The following HMCN1 variants were observed in gnomAD, a reference collection of about 807,000 sequenced individuals.
The protein encoded by HMCN1 is hemicentin 1, also known as hemicentin-1.
Under a neutral mutation model 625.9 loss-of-function variants are expected in HMCN1, and 321 were observed. The ratio of observed to expected loss-of-function variants is 0.51; its 90% CI spans 0.47 to 0.56. The LOEUF is 0.56. Among genes scored for constraint, HMCN1 ranks in the 20% least tolerant of loss-of-function variants. The probability of loss-of-function intolerance (pLI) is 0.00; values close to 1 mark genes in which losing one functional copy is unlikely to be tolerated. For synonymous variants in HMCN1, 2,425 were observed against 2,417.6 expected (o/e 1.00, Z -0.09); for missense variants, 6,588 against 6,887.3 (o/e 0.96, Z 1.54).
At chr1:185,784,577 T>G (rs1355359872) in intron 1 of HMCN1, among the ~76,000 whole-genome samples, 1 of 152,152 alleles carries the variant, frequency 6.6e-6, no homozygotes, top group African/African-American at 2.4e-5. Flanking sequence ...CTTTTTCATC[T>G]TAGCTTTCTT....
At chr1:185,984,337 T>C in intron 19 of HMCN1, 24 bp downstream of exon 19, 1 of 1,612,880 alleles carries the variant, frequency 6.2e-7, no homozygotes, top group Non-Finnish European at 8.5e-7. Context: ...CCAATGTTAT[T>C]GTTTCGAAAC....
intron 89 of HMCN1, among the ~76,000 whole-genome samples, chr1:186,140,268 TACTTATTTGTTGTGTCCC>T (rs376823465): frequency 3.0e-3 from 462 of 152,318 alleles, no homozygotes; most frequent in Non-Finnish European, 4.4e-3. Context: ...ATCACACTTG[TACTTATTTGTTGTGTCCC>T]TTTGGTCTCT....
In HMCN1 at chr1:185,830,711, A is replaced by T. The variant is rs139923765; in HGVS notation, c.269-15315A>T. Among the ~76,000 whole-genome samples the T allele has an allele frequency of 3.8e-3, 574 of 152,054 alleles. 5 individuals are homozygous for T. The highest frequency in any genetic ancestry group is 0.013 in the African/African-American group (544 of 41,462). ...AGACCACACTGGGTCACATGGCAAG[A>T]CCCTGTCTCTACAAAAAAATACAAA... On this transcript the variant is annotated intron_variant, in intron 1 of 106. Transcript: ENST00000271588.
chr1:186,167,659 C>G (rs189992485), intron 100 of HMCN1, among the ~76,000 whole-genome samples: 1 of 152,182 alleles, frequency 6.6e-6, no homozygotes, highest in Non-Finnish European at 1.5e-5. Flanking sequence ...TTTCCTCCAA[C>G]CTCTGGCAAA....
intron 4 of HMCN1, among the ~76,000 whole-genome samples, chr1:185,891,294 G>A (rs1422887370): frequency 1.4e-5 from 2 of 141,200 alleles, no homozygotes; most frequent in Admixed American, 6.8e-5. Context: ...TTTAATTGGA[G>A]CATTTAGTCC....
At position 186,125,627 on chromosome 1, in the gene HMCN1, G is replaced by C. The variant is rs373997825; in HGVS notation, c.12523G>C (p.Glu4175Gln). The C allele has an allele frequency of 6.2e-7, 1 of 1,613,112 alleles. No individual in the cohort carries two copies. The highest frequency in any genetic ancestry group is 1.3e-5 in the African/African-American group (1 of 74,844). ...VHVPPRIRST[E>Q]GHYTVNENSQ... The stretch of plus-strand genomic sequence containing the variant: ...AGTACCACCCAGGATCAGAAGTACA[G>C]AAGGACACTACACGGTCAATGAGAA... Residue 4175 changes from glutamate (E) to glutamine (Q), a missense_variant, in exon 82 of 107, where the codon GAA (glutamate) becomes CAA (glutamine). This residue lies in a region of HMCN1 where 1,954 missense variants were observed against 2,013.1 expected (regional missense o/e 0.97). Transcript: ENST00000271588.
chr1:186,152,992 TATAA>T (rs1650771623), intron 96 of HMCN1, 121 bp downstream of exon 96: 1 of 1,264,406 alleles, frequency 7.9e-7, no homozygotes, highest in African/African-American at 1.5e-5. Flanking sequence ...CTACCAAGGC[TATAA>T]ATAACTATCT....
intron 14 of HMCN1, among the ~76,000 whole-genome samples, chr1:185,969,440 C>T (rs1031986002): frequency 2.6e-5 from 4 of 152,074 alleles, no homozygotes; most frequent in Non-Finnish European, 2.9e-5. Flanking sequence ...TTTGTTGCCC[C>T]GAGTCTGTTG....
intron 58 of HMCN1, 124 bp from the exon 59 acceptor site, chr1:186,087,093 G>A (rs1659543645): frequency 2.8e-6 from 2 of 706,676 alleles, no homozygotes; most frequent in Non-Finnish European, 5.2e-6. Flanking sequence ...ATTTTAAATA[G>A]GAAGGCTTCT....
intron 4 of HMCN1, among the ~76,000 whole-genome samples, chr1:185,875,859 C>T (rs1663893735): frequency 1.3e-5 from 2 of 151,994 alleles, no homozygotes; most frequent in Non-Finnish European, 2.9e-5. Flanking sequence ...GCCTCTTTCT[C>T]CTGATAGCAT....
chr1:186,139,528 G>A (rs983773844), intron 89 of HMCN1, among the ~76,000 whole-genome samples: 3 of 151,060 alleles, frequency 2.0e-5, no homozygotes, highest in Admixed American at 1.3e-4. Flanking sequence ...TTTTCATGTT[G>A]AGTAACTATT....
chr1:185,857,201 G>A (rs17448202), intron 2 of HMCN1, among the ~76,000 whole-genome samples: 35,884 of 152,024 alleles, frequency 0.24, 4,654 homozygotes, highest in Non-Finnish European at 0.29. Context: ...TACTGTGAAA[G>A]CTCACATGCT....
At chr1:186,129,826 G>T (rs1277110293) in intron 83 of HMCN1, 140 bp from the exon 84 acceptor site, 2 of 994,744 alleles carry the variant, frequency 2.0e-6, no homozygotes, top group African/African-American at 3.2e-5. Flanking sequence ...AAGAAATGTG[G>T]AAAAGGCTCT....
At chr1:186,150,568 C>T (rs576775666) in intron 93 of HMCN1, among the ~76,000 whole-genome samples, 1 of 152,186 alleles carries the variant, frequency 6.6e-6, no homozygotes, top group Admixed American at 6.5e-5. Flanking sequence ...CTCTAAAACC[C>T]AAGACTGAAC....
intron 93 of HMCN1, among the ~76,000 whole-genome samples, chr1:186,148,568 G>T (rs1490990231): frequency 6.6e-6 from 1 of 152,058 alleles, no homozygotes; most frequent in Non-Finnish European, 1.5e-5. Flanking sequence ...GAATGCAGTG[G>T]CGTGATCTCA....
rs1321776232 is a variant in HMCN1, at chr1:186,095,437, G to A, written c.10489G>A (p.Glu3497Lys). Residue 3497 changes from glutamate to lysine, a missense_variant, in exon 68 of 107, where the codon GAG (glutamate) becomes AAG (lysine). By Grantham distance (56) the Glu-to-Lys change is moderately conservative (BLOSUM62 1). Coordinates refer to ENST00000271588, the MANE Select transcript of HMCN1 (RefSeq NM_031935.3). ...HGMVLQLLKA[E>K]TEDSGKYTCI... Reference sequence around the variant, plus strand: ...AATGGTCCTGCAGCTCCTCAAAGCAGAGACTGAAGATTCGGGAAAGTACAC... The same window carrying A: ...AATGGTCCTGCAGCTCCTCAAAGCAAAGACTGAAGATTCGGGAAAGTACAC... The A allele has an allele frequency of 1.2e-6, 2 of 1,613,654 alleles. No homozygotes were observed. The highest frequency in any genetic ancestry group is 1.7e-6 in the Non-Finnish European group (2 of 1,179,838).
intron 11 of HMCN1, among the ~76,000 whole-genome samples, chr1:185,960,442 T>C (rs960653035): frequency 3.9e-5 from 6 of 152,162 alleles, no homozygotes; most frequent in African/African-American, 1.2e-4. Context: ...AGCAGGAATA[T>C]TCTAAGGCAA....
intron 8 of HMCN1, among the ~76,000 whole-genome samples, chr1:185,924,326 G>C (rs1667162304): frequency 6.8e-6 from 1 of 146,446 alleles, no homozygotes; most frequent in Non-Finnish European, 1.5e-5. Context: ...CGCCTCCCGG[G>C]TTCACGTCAT....
Position 186,045,843 on chromosome 1 carries a change from G to A in HMCN1, c.6460G>A (p.Glu2154Lys). The change falls in exon 41 of 107, where the codon GAA becomes AAA. Residue 2154 changes from glutamate to lysine, a missense_variant. This residue lies in a region of HMCN1 where 4,628 missense variants were observed against 4,853.1 expected (regional missense o/e 0.95). Coordinates refer to ENST00000271588, the MANE Select transcript of HMCN1 (RefSeq NM_031935.3). ...LLKKPGLSIS[E>K]NRSVLKIEDA... ...GAAGAAACCAGGCCTCAGTATATCT[G>A]AAAATAGAAGTGTGTTAAAGGTAAG... 1 of 1,611,800 alleles carries A rather than the reference G, an allele frequency of 6.2e-7. No homozygotes were observed. The highest frequency in any genetic ancestry group is 8.5e-7 in the Non-Finnish European group (1 of 1,178,140).
Sources: gnomAD v4.1 joint callset for allele counts (sites outside exome capture counted in the v4.1 genomes callset) on GRCh38, gnomAD v4.1.1 for gene constraint, gnomAD v4.1.1 regional missense constraint, MANE v1.5 for transcripts, NCBI Gene and HGNC (gene_info 2026-07-23, HGNC 2026-07-21) for gene names.